The following CR1L variants were observed in gnomAD, a reference collection of about 807,000 sequenced individuals.
CR1L encodes the protein complement C3b/C4b receptor 1 like.
A neutral mutation model predicts 62.3 loss-of-function variants in CR1L; 59 were observed. The ratio of observed to expected loss-of-function variants is 0.95; its 90% CI spans 0.77 to 1.18. The LOEUF (loss-of-function observed/expected upper bound fraction) is 1.18. CR1L is among the 50% of genes most tolerant of loss of function. The pLI is 0.00. For missense variants in CR1L, 700 were observed against 702.8 expected (o/e 1.00, Z 0.04); for synonymous variants, 279 against 248.7 (o/e 1.12, Z -1.15).
At chr1:207,656,066 G>A (rs569020445) in intron 1 of CR1L, among the ~76,000 whole-genome samples, 11 of 152,178 alleles carry the variant, frequency 7.2e-5, no homozygotes, top group African/African-American at 2.6e-4. Flanking sequence ...CTGAAACCCC[G>A]TCTCTACTAA....
chr1:207,683,696 A>G (rs1353541832), intron 3 of CR1L, among the ~76,000 whole-genome samples, 176 bp from the exon 4 acceptor site: 2 of 152,236 alleles, frequency 1.3e-5, no homozygotes, highest in African/African-American at 4.8e-5. Context: ...GAAGGCATGG[A>G]AGAGAAAATG....
intron 1 of CR1L, chr1:207,669,183 T>C (rs531775435): frequency 1.8e-4 from 56 of 315,856 alleles, no homozygotes; most frequent in Non-Finnish European, 3.1e-4. Context: ...GCCCAAGCAT[T>C]GTCAAGCTCT....
At chr1:207,713,000 G>A (rs533059838) in intron 10 of CR1L, among the ~76,000 whole-genome samples, 4 of 152,184 alleles carry the variant, frequency 2.6e-5, no homozygotes, top group East Asian at 1.9e-4. Context: ...TGAAATAAGC[G>A]TTAATCCAAT....
At chr1:207,715,528 A>G (rs1653972904) in intron 10 of CR1L, 1 of 502,622 alleles carries the variant, frequency 2.0e-6, no homozygotes, top group Non-Finnish European at 3.6e-6. Flanking sequence ...CTGTTGGAAG[A>G]ATTTCAAGAA....
chr1:207,682,960 T>TTTTCTTTC lies in CR1L; in HGVS notation c.378-888_378-881dup, dbSNP rs141205339. ...TGCCTTTGGTTCTAGTTATAAATCA[T>TTTTCTTTC]TTTCTTTCTTTCTTTCTTTCTTTCT... is the stretch of plus-strand genomic sequence containing the variant. On this transcript the variant is annotated intron_variant, in intron 3 of 11. Transcript: ENST00000508064. 3.7e-3 allele frequency among the ~76,000 whole-genome samples: 515 copies of TTTTCTTTC among 140,192 alleles called. 8 individuals carry two copies. The highest frequency in any genetic ancestry group is 0.012 in the African/African-American group (449 of 38,526). 92.0% of individuals were successfully genotyped at this position (140,192 alleles called of 152,430 possible).
Position 207,697,792 on chromosome 1 carries a change from T to A in CR1L, c.1061T>A (p.Leu354Gln). The A allele has an allele frequency of 6.2e-7, 1 of 1,614,042 alleles. No homozygotes were observed. Among genetic ancestry groups the A allele is most frequent in the South Asian group, 1.1e-5 (1 of 91,084 alleles). Residue 354 changes from leucine to glutamine, a missense_variant, in exon 7 of 12, where the codon CTG becomes CAG. Leu to Gln is a moderately radical substitution (Grantham distance 113). Transcript: ENST00000508064. ...CCAGTGAAATCCTGTGATGACTTCC[T>A]GGGCCAACTTCCTAATGGCCATGTG... The part of the protein sequence containing the change: ...RCEVKSCDDF[L>Q]GQLPNGHVLF...
chr1:207,654,022 C>T (rs576147004), intron 1 of CR1L, among the ~76,000 whole-genome samples: 1 of 152,088 alleles, frequency 6.6e-6, no homozygotes, highest in Non-Finnish European at 1.5e-5. Context: ...CTTGTGGTAA[C>T]GAATCCAAGC....
chr1:207,678,347 A>G lies in CR1L; in HGVS notation c.377+50A>G, dbSNP rs767398603. The G allele has an allele frequency of 6.8e-6, 10 of 1,476,376 alleles. No homozygotes were observed. The Admixed American group carries it at 6.8e-5, about 10-fold the overall frequency. The allele number at this position is 1,476,376 out of a possible 1,614,324, so 91.5% of individuals were successfully genotyped here. A position where few individuals can be genotyped will look rare whatever the true frequency, so the allele number is the denominator to read the frequency against. ...CATCTCTTGGTTCAAGGGTTCTAAC[A>G]CAGCCATACTACCTTCTAGTCACAT... On this transcript the variant is annotated intron_variant, in intron 3 of 11. Transcript: ENST00000508064.
intron 1 of CR1L, among the ~76,000 whole-genome samples, chr1:207,646,272 C>A (rs985580351): frequency 5.9e-5 from 9 of 152,144 alleles, no homozygotes; most frequent in Non-Finnish European, 1.2e-4. Context: ...CTAAAAAACA[C>A]TGGTAGCCAA....
intron 8 of CR1L, among the ~76,000 whole-genome samples, chr1:207,699,749 T>C (rs555226221): frequency 6.6e-6 from 1 of 152,220 alleles, no homozygotes; most frequent in African/African-American, 2.4e-5. Context: ...ATCAATTATT[T>C]ATTGATCACA....
chr1:207,668,795 CA>C (rs1160812625), intron 1 of CR1L, among the ~76,000 whole-genome samples: 2 of 151,068 alleles, frequency 1.3e-5, no homozygotes, highest in Non-Finnish European at 2.9e-5. Context: ...GGGCCACCAT[CA>C]AACCTCACTT....
intron 1 of CR1L, among the ~76,000 whole-genome samples, chr1:207,670,302 C>G (rs1663590202): frequency 6.6e-6 from 1 of 151,056 alleles, no homozygotes; most frequent in Non-Finnish European, 1.5e-5. Flanking sequence ...AAGGGAAGCC[C>G]CAGAACATGC....
chr1:207,653,027 C>T (rs1455564667), intron 1 of CR1L: 4 of 224,996 alleles, frequency 1.8e-5, no homozygotes, highest in Non-Finnish European at 3.5e-5. Context: ...GACCTTGATT[C>T]CAATCTGTTT....
At position 207,683,973 on chromosome 1, in the gene CR1L, C is replaced by T. The variant is rs781332191; in HGVS notation, c.463+16C>T. On this transcript the variant is annotated intron_variant, in intron 4 of 11. Transcript: ENST00000508064. ...GTTTGTGACAGTGAGTTGAAATATG[C>T]ATTCCTATTTCTTTTACCGATACAT... The T allele has an allele frequency of 6.3e-6, 10 of 1,598,198 alleles. No homozygotes were observed. The highest frequency in any genetic ancestry group is 8.6e-6 in the Non-Finnish European group (10 of 1,167,126).
chr1:207,686,476 A>G (rs1328597783), intron 4 of CR1L, among the ~76,000 whole-genome samples: 13 of 152,062 alleles, frequency 8.5e-5, no homozygotes, highest in Admixed American at 8.5e-4. Context: ...GTATCGATGT[A>G]ATCATATCTG....
Position 207,706,013 on chromosome 1 carries a change from G to GTATATATATATATATA in CR1L, c.1329-2148_1329-2133dup, listed in dbSNP as rs139294447. Among the ~76,000 whole-genome samples, 417 of 133,456 alleles carry GTATATATATATATATA rather than the reference G, an allele frequency of 3.1e-3. 5 individuals are homozygous for GTATATATATATATATA. Among genetic ancestry groups the GTATATATATATATATA allele is most frequent in the Non-Finnish European group, 4.9e-3 (297 of 60,886 alleles). 87.6% of individuals were successfully genotyped at this position (133,456 alleles called of 152,430 possible). ...GTGTCATATATATGTGTGTGTGTAT[G>GTATATATATATATATA]TATATATATATATATATATATATAT... is the stretch of plus-strand genomic sequence containing the variant. On this transcript the variant is annotated intron_variant, in intron 9 of 11. Coordinates refer to ENST00000508064, the MANE Select transcript of CR1L (RefSeq NM_175710.2).
chr1:207,659,297 A>G (rs1427007362), intron 1 of CR1L, among the ~76,000 whole-genome samples: 1 of 152,180 alleles, frequency 6.6e-6, no homozygotes, highest in African/African-American at 2.4e-5. Context: ...TCCCCTCTGC[A>G]GAGGGCAAGC....
chr1:207,659,759 G>C (rs1663377756), intron 1 of CR1L, among the ~76,000 whole-genome samples: 1 of 152,222 alleles, frequency 6.6e-6, no homozygotes, highest in Non-Finnish European at 1.5e-5. Context: ...GCCAGGGAAA[G>C]CTGTGAGTGA....
Position 207,683,956 on chromosome 1 carries a change from C to T in CR1L, c.462C>T (p.Asp154=). 2.5e-6 allele frequency: 4 copies of T among 1,611,788 alleles called. No homozygotes were observed. Among genetic ancestry groups the T allele is most frequent in the Non-Finnish European group, 3.4e-6 (4 of 1,178,284 alleles). ...VIWDNKTPVC[D]RIICGLPPTI... ...GGGATAATAAAACACCTGTTTGTGA[C>T]AGTGAGTTGAAATATGCATTCCTAT... Residue 154 remains aspartate (D), a splice_region_variant and synonymous_variant, in exon 4 of 12, where the codon GAC becomes GAT. Transcript: ENST00000508064.
Sources: gnomAD v4.1 joint callset for allele counts (sites outside exome capture counted in the v4.1 genomes callset) on GRCh38, gnomAD v4.1.1 for gene constraint, MANE v1.5 for transcripts, NCBI Gene and HGNC (gene_info 2026-07-23, HGNC 2026-07-21) for gene names.